Variants in SOX5 observed in about 807,000 individuals in gnomAD.
SOX5 encodes the protein transcription factor SOX-5.
SOX5 carries 9 observed loss-of-function variants against 92.0 expected under a neutral mutation model. The ratio of observed to expected loss-of-function variants is 0.10; its 90% CI spans 0.06 to 0.17. SOX5 has a LOEUF of 0.17. Among genes scored for constraint, SOX5 ranks in the 10% least tolerant of loss-of-function variants. The pLI, the probability that SOX5 is intolerant of heterozygous loss-of-function variation, is 1.00. For synonymous variants in SOX5, 344 were observed against 336.3 expected, an observed-to-expected ratio of 1.02 and a Z score of -0.25; for missense variants, 642 against 944.5, an observed-to-expected ratio of 0.68 and a Z score of 4.20.
intron 9 of SOX5, among the ~76,000 whole-genome samples, chr12:23,588,628 C>T (rs1165660863): frequency 6.6e-6 from 1 of 151,754 alleles, no homozygotes; most frequent in African/African-American, 2.4e-5. Flanking sequence ...GTATATTTGC[C>T]TTAGAGCTTA....
At chr12:23,928,297 C>G (rs1001118556) in intron 1 of SOX5, among the ~76,000 whole-genome samples, 1 of 152,006 alleles carries the variant, frequency 6.6e-6, no homozygotes, top group Admixed American at 6.6e-5. Context: ...CCTTTTGAAG[C>G]AGAAATGCAG....
intron 1 of SOX5, among the ~76,000 whole-genome samples, chr12:24,504,560 T>C (rs1948537291): frequency 6.6e-6 from 1 of 152,168 alleles, no homozygotes; most frequent in African/African-American, 2.4e-5. Flanking sequence ...ATTCTAAAAA[T>C]TAAAATATAT....
rs142765190 is a variant in SOX5 at position 23,895,824 on chromosome 12, T to C, written c.239A>G (p.His80Arg). 5 of 1,613,982 alleles carry C rather than the reference T, an allele frequency of 3.1e-6. No individual in the cohort carries two copies. In the East Asian group the frequency reaches 6.7e-5, roughly 22 times the overall value. The part of the protein sequence containing the change: ...VSLLTQETCG[H>R]RTPTSQHNTM... ...ATTGTGCTGAGAAGTGGGAGTCCTA[T>C]GGCCACAAGTCTCTTGCGTCAGCAG... Residue 80 changes from histidine (H) to arginine (R), a missense_variant, in exon 2 of 15, where the codon CAT becomes CGT. This residue lies in a region of SOX5 where 113 missense variants were observed against 117.7 expected (regional missense o/e 0.96). Coordinates refer to ENST00000451604, the MANE Select transcript of SOX5 (RefSeq NM_006940.6).
At chr12:24,172,157 C>T (rs576444351) in intron 4 of SOX5, among the ~76,000 whole-genome samples, 10 of 151,952 alleles carry the variant, frequency 6.6e-5, no homozygotes, top group Middle Eastern at 3.4e-3. Flanking sequence ...TGACAAATTC[C>T]GTAAACTAAA....
Position 24,551,190 on chromosome 12 carries a change from C to G in SOX5, c.-251+11139G>C, listed in dbSNP as rs370027840. ...GCTGCTTTCAAGTTCCCATCTCCCC[C>G]CAGCCCCAAACCAATACTCCTCATT... On this transcript the variant is annotated intron_variant, in intron 1 of 4. Transcript: ENST00000446891. 2.2e-4 allele frequency among the ~76,000 whole-genome samples: 33 copies of G among 152,324 alleles called. No individual in the cohort carries two copies. The South Asian group carries it at 6.8e-3, about 32-fold the overall frequency.
intron 1 of SOX5, among the ~76,000 whole-genome samples, chr12:24,482,615 T>C (rs1946112876): frequency 6.6e-6 from 1 of 152,222 alleles, no homozygotes; most frequent in Non-Finnish European, 1.5e-5. Context: ...AGTATATTTA[T>C]AAGCCAAGTA....
At chr12:23,745,163 G>C (rs2093938393) in intron 4 of SOX5, among the ~76,000 whole-genome samples, 1 of 152,098 alleles carries the variant, frequency 6.6e-6, no homozygotes, top group Non-Finnish European at 1.5e-5. Flanking sequence ...CAACCCATAA[G>C]AATGCCTTTT....
intron 1 of SOX5, among the ~76,000 whole-genome samples, chr12:23,945,993 A>T (rs1292016161): frequency 1.3e-5 from 2 of 152,164 alleles, no homozygotes; most frequent in Admixed American, 1.3e-4. Flanking sequence ...AATTTTACGA[A>T]TTAGTTTGTA....
chr12:24,365,647 A>G (rs1023188761), intron 2 of SOX5, among the ~76,000 whole-genome samples: 1 of 116,684 alleles, frequency 8.6e-6, no homozygotes, highest in African/African-American at 2.8e-5. Flanking sequence ...ATTATTGAAA[A>G]TGATTTTCTT....
chr12:24,400,464 A>T (rs1274515149), intron 1 of SOX5, among the ~76,000 whole-genome samples: 1 of 152,254 alleles, frequency 6.6e-6, no homozygotes, highest in Non-Finnish European at 1.5e-5. Context: ...AGCAACAGCA[A>T]TGTTAAAGCA....
At chr12:24,547,937 T>C (rs765015451) in intron 1 of SOX5, among the ~76,000 whole-genome samples, 4 of 152,132 alleles carry the variant, frequency 2.6e-5, no homozygotes, top group Non-Finnish European at 4.4e-5. Flanking sequence ...GAGTTACAAG[T>C]AGAGAAAAGT....
At chr12:24,553,679 A>G (rs1953448070) in intron 1 of SOX5, among the ~76,000 whole-genome samples, 1 of 152,254 alleles carries the variant, frequency 6.6e-6, no homozygotes, top group Non-Finnish European at 1.5e-5. Context: ...AGTGAGTCCA[A>G]CACAAGGCAG....
intron 1 of SOX5, among the ~76,000 whole-genome samples, chr12:24,537,705 C>T (rs1408299945): frequency 6.6e-6 from 1 of 152,202 alleles, no homozygotes; most frequent in Non-Finnish European, 1.5e-5. Context: ...ATAATTCCTC[C>T]ATTCAAATAC....
intron 3 of SOX5, among the ~76,000 whole-genome samples, chr12:24,242,781 CA>C (rs1220357217): frequency 6.6e-6 from 1 of 152,100 alleles, no homozygotes; most frequent in East Asian, 1.9e-4. Flanking sequence ...TAAACTTGTA[CA>C]CTTTCTGAGG....
chr12:23,712,898 A>G (rs907776197), intron 6 of SOX5, among the ~76,000 whole-genome samples: 4 of 152,222 alleles, frequency 2.6e-5, no homozygotes, highest in East Asian at 3.8e-4. Flanking sequence ...CAAGATACCC[A>G]ATAAATAATT....
chr12:24,109,706 ATTAGTT>A (rs1947100821), intron 4 of SOX5, among the ~76,000 whole-genome samples: 2 of 152,342 alleles, frequency 1.3e-5, no homozygotes, highest in African/African-American at 4.8e-5. Flanking sequence ...AAAGAAGAAA[ATTAGTT>A]TTAAACAACA....
intron 1 of SOX5, among the ~76,000 whole-genome samples, chr12:23,922,204 G>C (rs531999445): frequency 6.6e-6 from 1 of 151,990 alleles, no homozygotes; most frequent in African/African-American, 2.4e-5. Flanking sequence ...CACCCAATGT[G>C]GTGGTTGCCA....
At chr12:24,334,676 G>T (rs566434896) in intron 2 of SOX5, among the ~76,000 whole-genome samples, 1 of 152,058 alleles carries the variant, frequency 6.6e-6, no homozygotes, top group African/African-American at 2.4e-5. Flanking sequence ...AAGCAAAGAA[G>T]TAAACAAAGT....
intron 4 of SOX5, among the ~76,000 whole-genome samples, chr12:24,099,365 G>C (rs1945803607): frequency 6.6e-6 from 1 of 152,138 alleles, no homozygotes; most frequent in African/African-American, 2.4e-5. Context: ...AACAGGATTG[G>C]TCAGAGAGAG....
Sources: allele counts gnomAD v4.1 joint callset (sites outside exome capture counted in the v4.1 genomes callset), GRCh38; gene constraint gnomAD v4.1.1; regional missense constraint gnomAD v4.1.1; transcripts MANE v1.5; gene names NCBI Gene and HGNC (gene_info 2026-07-23, HGNC 2026-07-21).